Variants in ASTN1 observed in about 807,000 individuals in gnomAD.
ASTN1 encodes astrotactin 1.
A neutral mutation model predicts 140.7 loss-of-function variants in ASTN1; 41 were observed. The observed-to-expected ratio is 0.29, with a 90% CI of 0.23 to 0.38. The LOEUF (loss-of-function observed/expected upper bound fraction) is 0.38. Among genes scored for constraint, ASTN1 ranks in the 10% least tolerant of loss-of-function variants. The pLI is 1.00. For missense variants in ASTN1, 1,479 were observed against 1,678.8 expected, an observed-to-expected ratio of 0.88 and a Z score of 2.08; for synonymous variants, 640 against 652.2, an observed-to-expected ratio of 0.98 and a Z score of 0.29.
intron 11 of ASTN1, among the ~76,000 whole-genome samples, chr1:176,955,118 C>T (rs998356549): frequency 1.3e-5 from 2 of 152,162 alleles, no homozygotes; most frequent in Non-Finnish European, 1.5e-5. Context: ...TCTTATCTCT[C>T]TCCTTTCATA....
intron 17 of ASTN1, among the ~76,000 whole-genome samples, chr1:176,889,063 T>C (rs900977123): frequency 2.0e-5 from 3 of 152,226 alleles, no homozygotes; most frequent in Non-Finnish European, 4.4e-5. Flanking sequence ...TTTGTAACCA[T>C]CACAGAACCT....
chr1:176,945,137 T>C (rs932494889), intron 13 of ASTN1, among the ~76,000 whole-genome samples: 2 of 152,276 alleles, frequency 1.3e-5, no homozygotes, highest in African/African-American at 2.4e-5. Flanking sequence ...GGGACAGGCA[T>C]TGAATGGAGA....
intron 2 of ASTN1, among the ~76,000 whole-genome samples, chr1:177,034,279 ACACACT>A (rs1676601624): frequency 6.7e-6 from 1 of 149,406 alleles, no homozygotes; most frequent in South Asian, 2.2e-4. Flanking sequence ...ACACACACAC[ACACACT>A]GCCACTTTCA....
intron 1 of ASTN1, among the ~76,000 whole-genome samples, chr1:177,079,428 T>G (rs2102072002): frequency 6.6e-6 from 1 of 152,304 alleles, no homozygotes; most frequent in East Asian, 1.9e-4. Context: ...CTTAAAAGTT[T>G]CCTGCTCAAG....
intron 2 of ASTN1, among the ~76,000 whole-genome samples, chr1:177,051,783 T>C (rs1193237224): frequency 6.6e-6 from 1 of 152,168 alleles, no homozygotes; most frequent in African/African-American, 2.4e-5. Context: ...CTTACATCAG[T>C]GCTGGCCATG....
chr1:176,996,304 C>T (rs75688973), intron 8 of ASTN1, among the ~76,000 whole-genome samples: 2 of 148,176 alleles, frequency 1.3e-5, no homozygotes, highest in Non-Finnish European at 3.0e-5. Context: ...CACACACACA[C>T]ACACACAGAG....
intron 8 of ASTN1, among the ~76,000 whole-genome samples, chr1:177,013,875 A>C (rs1675414081): frequency 6.6e-6 from 1 of 152,162 alleles, no homozygotes; most frequent in Non-Finnish European, 1.5e-5. Flanking sequence ...GAAACTAAAA[A>C]GTTGCTTTTA....
chr1:177,067,321 C>T (rs894258329), intron 1 of ASTN1, among the ~76,000 whole-genome samples: 3 of 152,122 alleles, frequency 2.0e-5, no homozygotes, highest in African/African-American at 7.2e-5. Context: ...TCTCAGCAGC[C>T]ATTATGAGCT....
chr1:176,922,744 T>C (rs1254857009), intron 16 of ASTN1, among the ~76,000 whole-genome samples: 1 of 152,114 alleles, frequency 6.6e-6, no homozygotes, highest in Non-Finnish European at 1.5e-5. Context: ...TAGTAGACGA[T>C]TTGTGACTTC....
chr1:177,066,192 A>G (rs1337763231), intron 1 of ASTN1, among the ~76,000 whole-genome samples: 1 of 152,176 alleles, frequency 6.6e-6, no homozygotes, highest in Non-Finnish European at 1.5e-5. Context: ...CATAGGGTGG[A>G]CAGGCTTGGG....
At chr1:177,058,976 T>C (rs1159963206) in intron 2 of ASTN1, among the ~76,000 whole-genome samples, 1 of 152,228 alleles carries the variant, frequency 6.6e-6, no homozygotes, top group African/African-American at 2.4e-5. Context: ...CTGCAGATTC[T>C]CGCACTATGC....
intron 7 of ASTN1, among the ~76,000 whole-genome samples, chr1:177,017,440 T>C (rs376383715): frequency 6.6e-6 from 1 of 152,194 alleles, no homozygotes; most frequent in East Asian, 1.9e-4. Context: ...TCAGACTTGA[T>C]GGGGGAAGTT....
chr1:176,910,452 G>C (rs1165590308), intron 16 of ASTN1, among the ~76,000 whole-genome samples: 1 of 152,168 alleles, frequency 6.6e-6, no homozygotes, highest in East Asian at 1.9e-4. Context: ...CCACTCACAA[G>C]ATACGATGCT....
chr1:176,980,262 T>A (rs778536011), intron 8 of ASTN1, among the ~76,000 whole-genome samples: 1 of 152,076 alleles, frequency 6.6e-6, no homozygotes, highest in East Asian at 1.9e-4. Flanking sequence ...GGGAGTAAGA[T>A]GACAGGAAGG....
chr1:176,979,054 C>T (rs566543714), intron 8 of ASTN1, among the ~76,000 whole-genome samples: 1 of 152,256 alleles, frequency 6.6e-6, no homozygotes, highest in African/African-American at 2.4e-5. Context: ...GAATATATAA[C>T]CACACGTTGA....
chr1:177,141,776 T>G (rs1378034306), intron 1 of ASTN1, among the ~76,000 whole-genome samples: 2 of 152,098 alleles, frequency 1.3e-5, no homozygotes, highest in African/African-American at 2.4e-5. Flanking sequence ...TGAAGCTAGG[T>G]GGAGAAAAGA....
chr1:176,860,485 T>C (rs961146636), downstream of ASTN1, among the ~76,000 whole-genome samples: 7 of 152,200 alleles, frequency 4.6e-5, no homozygotes, highest in Non-Finnish European at 8.8e-5. Context: ...AGTGGCATTG[T>C]AGAGAGAAAG....
At chr1:176,983,305 C>T (rs1398762790) in intron 8 of ASTN1, among the ~76,000 whole-genome samples, 2 of 152,164 alleles carry the variant, frequency 1.3e-5, no homozygotes, top group Non-Finnish European at 2.9e-5. Flanking sequence ...GTCTCCAGCA[C>T]TCCCACTGGA....
intron 1 of ASTN1, among the ~76,000 whole-genome samples, chr1:177,162,434 C>T (rs1334786529): frequency 6.6e-6 from 1 of 152,134 alleles, no homozygotes; most frequent in Non-Finnish European, 1.5e-5. Flanking sequence ...GTGTAAATGC[C>T]AAGTTGCACC....
Sources: allele counts gnomAD v4.1 joint callset (sites outside exome capture counted in the v4.1 genomes callset), GRCh38; gene constraint gnomAD v4.1.1; transcripts MANE v1.5; gene names NCBI Gene and HGNC (gene_info 2026-07-23, HGNC 2026-07-21).